MAGOH: variants seen among roughly 807,000 people sequenced by gnomAD.
MAGOH encodes protein mago nashi homolog.
In MAGOH, 3 loss-of-function variants were observed where a neutral mutation model predicts 20.9. The observed-to-expected ratio is 0.14, with a 90% CI of 0.07 to 0.37. The LOEUF (loss-of-function observed/expected upper bound fraction) is 0.37, where lower values mean the gene tolerates loss of function less well. Ranked by LOEUF, MAGOH falls within the 10% of genes least tolerant of loss-of-function variation. The probability of loss-of-function intolerance (pLI) is 1.00; values close to 1 mark genes in which losing one functional copy is unlikely to be tolerated. For synonymous variants in MAGOH, 51 were observed against 61.0 expected (o/e 0.84, Z 0.76); for missense variants, 66 against 178.1 (o/e 0.37, Z 3.58).
intron 2 of MAGOH, among the ~76,000 whole-genome samples, chr1:53,234,993 C>T (rs1274651194): frequency 1.3e-5 from 2 of 152,098 alleles, no homozygotes; most frequent in African/African-American, 4.8e-5. Context: ...TAATTAATAC[C>T]TGGGCCTTTA....
intron 2 of MAGOH, among the ~76,000 whole-genome samples, chr1:53,234,564 C>G (rs1237469830): frequency 1.3e-5 from 2 of 151,876 alleles, no homozygotes; most frequent in African/African-American, 2.4e-5. Context: ...TCAGTACAGA[C>G]AGGGCTTCAC....
chr1:53,234,684 A>AACTAGGTAATACACTCCTGAGG (rs1553171749), intron 2 of MAGOH, among the ~76,000 whole-genome samples: 1 of 152,084 alleles, frequency 6.6e-6, no homozygotes, highest in Non-Finnish European at 1.5e-5. Flanking sequence ...AGTTATTCTT[A>AACTAGGTAATACACTCCTGAGG]ACTAGGTAAT....
intron 2 of MAGOH, among the ~76,000 whole-genome samples, chr1:53,235,055 C>A (rs535106732): frequency 2.0e-5 from 3 of 152,274 alleles, no homozygotes; most frequent in Non-Finnish European, 4.4e-5. Flanking sequence ...CATGGGCTTA[C>A]AATCAGGGTT....
chr1:53,238,439 C>T lies in MAGOH; in HGVS notation c.10G>A (p.Asp4Asn). 6.2e-7 allele frequency: 1 copy of T among 1,614,030 alleles called. No homozygotes were observed. Among genetic ancestry groups the T allele is most frequent in the Non-Finnish European group, 8.5e-7 (1 of 1,179,856 alleles). MES[D>N]FYLRYYVGHK... ...CCCACGTAGTAACGCAGATAAAAGT[C>T]ACTCTCCATGGCTCCCAAAAGACAA... is the stretch of plus-strand genomic sequence containing the variant. The change falls in exon 1 of 5, where the codon GAC becomes AAC. Residue 4 changes from aspartate (D) to asparagine (N), a missense_variant. Asp to Asn is a conservative substitution (Grantham distance 23). Transcript: ENST00000371470.
chr1:53,229,016 G>A, intron 3 of MAGOH, 62 bp from the exon 4 acceptor site: 1 of 1,144,804 alleles, frequency 8.7e-7, no homozygotes, highest in Non-Finnish European at 1.3e-6. Context: ...GCACACAGAA[G>A]GATTAATCAT....
chr1:53,230,488 G>A (rs1030974217), intron 3 of MAGOH, among the ~76,000 whole-genome samples: 2 of 152,116 alleles, frequency 1.3e-5, no homozygotes, highest in African/African-American at 4.8e-5. Flanking sequence ...TAGGATCATA[G>A]CTCACTGTAA....
At chr1:53,229,160 G>C (rs1645574152) in intron 3 of MAGOH, among the ~76,000 whole-genome samples, 1 of 151,316 alleles carries the variant, frequency 6.6e-6, no homozygotes, top group South Asian at 2.1e-4. Flanking sequence ...TACCCTTAAG[G>C]CCCTACCATT....
chr1:53,234,532 C>G (rs1645602551), intron 2 of MAGOH, among the ~76,000 whole-genome samples: 1 of 151,962 alleles, frequency 6.6e-6, no homozygotes, highest in Admixed American at 6.6e-5. Flanking sequence ...CGCCACCATG[C>G]CTGGCTAATT....
intron 3 of MAGOH, among the ~76,000 whole-genome samples, chr1:53,230,716 G>A (rs1645582215): frequency 6.6e-6 from 1 of 152,024 alleles, no homozygotes; most frequent in Non-Finnish European, 1.5e-5. Context: ...TGGGAATGCA[G>A]GCATGAGTCA....
intron 1 of MAGOH, among the ~76,000 whole-genome samples, chr1:53,235,909 A>G (rs2297656): frequency 0.3 from 45,377 of 152,182 alleles, 7,412 homozygotes; most frequent in East Asian, 0.53. Flanking sequence ...TGACTTTGTC[A>G]AATCACATTT....
chr1:53,227,274 G>C (rs965479566), intron 4 of MAGOH, 130 bp from the exon 5 acceptor site: 2 of 473,942 alleles, frequency 4.2e-6, no homozygotes, highest in Admixed American at 4.2e-5. Flanking sequence ...TTTAATATAG[G>C]GAAATGCTTA....
chr1:53,230,052 G>A (rs1243467382), intron 3 of MAGOH, among the ~76,000 whole-genome samples: 1 of 152,206 alleles, frequency 6.6e-6, no homozygotes, highest in Non-Finnish European at 1.5e-5. Flanking sequence ...AGTGACATGA[G>A]TACCATAACC....
Position 53,238,518 on chromosome 1 carries a change from T to G in MAGOH, c.-70A>C. 7.1e-7 allele frequency: 1 copy of G among 1,417,220 alleles called. No individual in the cohort carries two copies. Among genetic ancestry groups the G allele is most frequent in the Non-Finnish European group, 1.0e-6 (1 of 1,001,042 alleles). The allele number at this position is 1,417,220 out of a possible 1,614,324, so 87.8% of individuals were successfully genotyped here. ...CACTGCCGCCGTCTGCGCCCGACAC[T>G]GACGTTTGCGGCGGCGCGCGGAAGT... On this transcript the variant is annotated 5_prime_UTR_variant, in exon 1 of 5. Transcript: ENST00000371470.
intron 3 of MAGOH, among the ~76,000 whole-genome samples, chr1:53,230,652 T>C (rs1188653571): frequency 1.3e-5 from 2 of 151,968 alleles, no homozygotes; most frequent in Admixed American, 1.3e-4. Context: ...GGTCTTGAGC[T>C]CCTGGCCTCA....
chr1:53,234,373 CTTTTTTT>C lies in MAGOH; in HGVS notation c.148-728_148-722del, dbSNP rs71579963. Among the ~76,000 whole-genome samples the C allele has an allele frequency of 8.3e-3, 1,095 of 132,690 alleles. 3 individuals are homozygous for C. Among genetic ancestry groups the C allele is most frequent in the African/African-American group, 0.023 (825 of 35,760 alleles). The allele number at this position is 132,690 out of a possible 152,430, so 87.0% of individuals were successfully genotyped here. A position where few individuals can be genotyped will look rare whatever the true frequency, so the allele number is the denominator to read the frequency against. ...GCGACACCCACATGCCCTGGTTATT[CTTTTTTT>C]TTTTTTTTTTTGAAACGGAGCCTTG... On this transcript the variant is annotated intron_variant, in intron 2 of 4. Coordinates refer to ENST00000371470, the MANE Select transcript of MAGOH (RefSeq NM_002370.4).
At chr1:53,229,085 G>C (rs1243533277) in intron 3 of MAGOH, 131 bp from the exon 4 acceptor site, 1 of 651,848 alleles carries the variant, frequency 1.5e-6, no homozygotes, top group Non-Finnish European at 2.8e-6. Context: ...AGTTCACTCT[G>C]AGCACTAAAC....
intron 1 of MAGOH, among the ~76,000 whole-genome samples, chr1:53,235,937 G>C (rs1186997549): frequency 1.3e-5 from 2 of 152,192 alleles, no homozygotes; most frequent in Non-Finnish European, 2.9e-5. Context: ...TGAATGTCCT[G>C]AAAACAGGCC....
chr1:53,236,133 T>C (rs1394051967), intron 1 of MAGOH, among the ~76,000 whole-genome samples: 1 of 152,214 alleles, frequency 6.6e-6, no homozygotes, highest in Admixed American at 6.5e-5. Context: ...CCTTTGCCCA[T>C]GTGTGCATCT....
At chr1:53,234,084 T>C (rs1158877778) in intron 2 of MAGOH, 2 of 166,740 alleles carry the variant, frequency 1.2e-5, no homozygotes, top group African/African-American at 4.8e-5. Flanking sequence ...GCCCCAGGGA[T>C]AGATTAGTGC....
Sources: allele counts gnomAD v4.1 joint callset (sites outside exome capture counted in the v4.1 genomes callset), GRCh38; gene constraint gnomAD v4.1.1; transcripts MANE v1.5; gene names NCBI Gene and HGNC (gene_info 2026-07-23, HGNC 2026-07-21).